Variants in CSMD1 observed in about 807,000 individuals in gnomAD.
CSMD1 encodes the protein CUB and Sushi multiple domains 1, also known as CUB and sushi domain-containing protein 1.
Under a neutral mutation model 417.5 loss-of-function variants are expected in CSMD1, and 213 were observed. The observed-to-expected ratio is 0.51, with a 90% CI of 0.46 to 0.57. The LOEUF is 0.57. Among genes scored for constraint, CSMD1 ranks in the 20% least tolerant of loss-of-function variants. The probability of loss-of-function intolerance (pLI) is 0.00; values close to 1 mark genes in which losing one functional copy is unlikely to be tolerated. For synonymous variants in CSMD1, 2,862 were observed against 1,736.8 expected (o/e 1.65, Z -16.11); for missense variants, 6,923 against 4,529.7 (o/e 1.53, Z -15.17).
intron 5 of CSMD1, among the ~76,000 whole-genome samples, chr8:3,847,802 C>T (rs1362742060): frequency 6.6e-6 from 1 of 152,074 alleles, no homozygotes; most frequent in African/African-American, 2.4e-5. Flanking sequence ...AGTTGGGTGC[C>T]AATAATTGCA....
In CSMD1 at chr8:2,967,531, CT is replaced by C. The variant is rs954542984; in HGVS notation, c.8924-786del. Among the ~76,000 whole-genome samples, 553 of 149,424 alleles carry C rather than the reference CT, an allele frequency of 3.7e-3. 6 individuals are homozygous for C. The highest frequency in any genetic ancestry group is 0.01 in the African/African-American group (414 of 40,752). The stretch of plus-strand genomic sequence containing the variant: ...TTCAGGGTGAACATTTCAATCTACA[CT>C]TTTTTTTTTCCCTTTTTTAGTCGAG... On this transcript the variant is annotated intron_variant, in intron 57 of 69. Coordinates refer to ENST00000635120, the MANE Select transcript of CSMD1 (RefSeq NM_033225.6).
At chr8:4,022,988 G>T (rs905128954) in intron 4 of CSMD1, among the ~76,000 whole-genome samples, 1 of 152,226 alleles carries the variant, frequency 6.6e-6, no homozygotes, top group Non-Finnish European at 1.5e-5. Flanking sequence ...GTATGGCAAA[G>T]ATGGGACAGT....
At chr8:4,821,374 C>A (rs777314128) in intron 1 of CSMD1, among the ~76,000 whole-genome samples, 1 of 152,044 alleles carries the variant, frequency 6.6e-6, no homozygotes, top group Non-Finnish European at 1.5e-5. Flanking sequence ...CAAAGAGGTG[C>A]GTTTATCCCC....
At chr8:4,968,863 G>A (rs1563897351) in intron 1 of CSMD1, among the ~76,000 whole-genome samples, 2 of 152,152 alleles carry the variant, frequency 1.3e-5, no homozygotes, top group African/African-American at 4.8e-5. Context: ...ACCGCTTAGT[G>A]CTACACACAA....
chr8:4,284,092 G>T (rs1417149417), intron 3 of CSMD1, among the ~76,000 whole-genome samples: 3 of 152,162 alleles, frequency 2.0e-5, no homozygotes, highest in Non-Finnish European at 2.9e-5. Flanking sequence ...AATTAGCTAG[G>T]CATGGTGGCT....
intron 5 of CSMD1, 84 bp from the exon 6 acceptor site, chr8:3,754,126 TAC>T (rs1233262791): frequency 1.3e-6 from 1 of 793,342 alleles, no homozygotes; most frequent in Admixed American, 2.2e-5. Flanking sequence ...GAAATCCGAT[TAC>T]TTAAATCCTT....
chr8:4,574,844 T>G (rs943311966), intron 2 of CSMD1, among the ~76,000 whole-genome samples: 4 of 152,204 alleles, frequency 2.6e-5, no homozygotes, highest in African/African-American at 4.8e-5. Context: ...CTTTCATGAT[T>G]CAAGTGCTTC....
intron 1 of CSMD1, among the ~76,000 whole-genome samples, chr8:4,878,212 T>C (rs950474134): frequency 1.3e-5 from 2 of 151,576 alleles, no homozygotes; most frequent in African/African-American, 4.9e-5. Flanking sequence ...CAAGAAAAGA[T>C]AAGGTGAGAA....
At chr8:4,243,112 G>A (rs1457503617) in intron 3 of CSMD1, among the ~76,000 whole-genome samples, 1 of 152,088 alleles carries the variant, frequency 6.6e-6, no homozygotes, top group Non-Finnish European at 1.5e-5. Flanking sequence ...CATGTTCACT[G>A]TGGAAAATCA....
chr8:3,537,158 C>T (rs1048404309), intron 10 of CSMD1, among the ~76,000 whole-genome samples: 19 of 152,108 alleles, frequency 1.2e-4, no homozygotes, highest in Non-Finnish European at 1.5e-5. Flanking sequence ...TGCCCGCCAC[C>T]ACGCCCAGCT....
intron 1 of CSMD1, among the ~76,000 whole-genome samples, chr8:4,917,986 T>G (rs545443165): frequency 6.6e-6 from 1 of 152,200 alleles, no homozygotes; most frequent in Non-Finnish European, 1.5e-5. Flanking sequence ...ATTGTTACTG[T>G]CTGTGATAAC....
intron 2 of CSMD1, among the ~76,000 whole-genome samples, chr8:4,601,155 A>G (rs533636386): frequency 7.2e-5 from 11 of 152,084 alleles, no homozygotes; most frequent in Non-Finnish European, 1.6e-4. Flanking sequence ...GGGTTTCTCC[A>G]TGTTGGTCAG....
At chr8:3,824,158 C>T (rs1801908016) in intron 5 of CSMD1, among the ~76,000 whole-genome samples, 1 of 151,666 alleles carries the variant, frequency 6.6e-6, no homozygotes, top group Non-Finnish European at 1.5e-5. Flanking sequence ...TCAAACATTC[C>T]AATGGAAATA....
intron 1 of CSMD1, among the ~76,000 whole-genome samples, chr8:4,888,851 G>C (rs989945014): frequency 6.6e-6 from 1 of 152,058 alleles, no homozygotes; most frequent in Non-Finnish European, 1.5e-5. Flanking sequence ...GAGATTTTCA[G>C]CAACAAAGAG....
chr8:3,589,299 G>T (rs1237948856), intron 8 of CSMD1, among the ~76,000 whole-genome samples: 2 of 152,068 alleles, frequency 1.3e-5, no homozygotes, highest in African/African-American at 4.8e-5. Flanking sequence ...CATAGTCACT[G>T]CAGCGTTACT....
intron 37 of CSMD1, among the ~76,000 whole-genome samples, chr8:3,177,325 G>C (rs978800020): frequency 4.6e-5 from 7 of 152,144 alleles, no homozygotes. Flanking sequence ...AGGCCAGAAA[G>C]AGCTCTCCCA....
intron 1 of CSMD1, among the ~76,000 whole-genome samples, chr8:4,813,855 C>G (rs1231880653): frequency 6.6e-6 from 1 of 152,172 alleles, no homozygotes; most frequent in Admixed American, 6.5e-5. Flanking sequence ...TAGTAGCATT[C>G]TCAGGTTTTG....
chr8:3,117,314 G>A (rs996247940), intron 42 of CSMD1, among the ~76,000 whole-genome samples: 12 of 151,930 alleles, frequency 7.9e-5, no homozygotes, highest in South Asian at 2.1e-4. Context: ...CTTGTGATCC[G>A]CCCACCTCAG....
chr8:4,686,487 A>C (rs1358183395), intron 1 of CSMD1, among the ~76,000 whole-genome samples: 4 of 152,212 alleles, frequency 2.6e-5, no homozygotes, highest in Non-Finnish European at 5.9e-5. Flanking sequence ...TAGAGAAAAG[A>C]AATAACCTGT....
Sources: allele counts gnomAD v4.1 joint callset (sites outside exome capture counted in the v4.1 genomes callset), GRCh38; gene constraint gnomAD v4.1.1; transcripts MANE v1.5; gene names NCBI Gene and HGNC (gene_info 2026-07-23, HGNC 2026-07-21).